The following CLMN variants were observed in gnomAD, a reference collection of about 807,000 sequenced individuals.
CLMN encodes calmin.
In CLMN, 57 loss-of-function variants were observed where a neutral mutation model predicts 92.7. The observed-to-expected ratio is 0.61, with a 90% CI of 0.50 to 0.77. The LOEUF (loss-of-function observed/expected upper bound fraction) is 0.77, where lower values mean the gene tolerates loss of function less well. Among genes scored for constraint, CLMN ranks in the 30% least tolerant of loss-of-function variants. The pLI, the probability that CLMN is intolerant of heterozygous loss-of-function variation, is 0.00. For synonymous variants in CLMN, 466 were observed against 470.6 expected, an observed-to-expected ratio of 0.99 and a Z score of 0.13; for missense variants, 1,158 against 1,237.5, an observed-to-expected ratio of 0.94 and a Z score of 0.96.
rs927038217 is a variant in CLMN at position 95,188,202 on chromosome 14, T to C, written c.*3362A>G. On this transcript the variant is annotated 3_prime_UTR_variant, in exon 13 of 13. Transcript: ENST00000298912. ...CACTCTTAAAACATGAACAGATCCA[T>C]AGGATCACCATATATTTGAGAAAAA... The C allele has an allele frequency of 2.0e-5, 3 of 152,078 alleles. No homozygotes were observed. Among genetic ancestry groups the C allele is most frequent in the African/African-American group, 7.2e-5 (3 of 41,392 alleles). The allele number at this position is 152,078 out of a possible 1,614,324, so 9.4% of individuals were successfully genotyped here. A position where few individuals can be genotyped will look rare whatever the true frequency, so the allele number is the denominator to read the frequency against.
intron 9 of CLMN, among the ~76,000 whole-genome samples, chr14:95,201,299 G>A (rs2140570274): frequency 6.6e-6 from 1 of 151,936 alleles, no homozygotes; most frequent in Non-Finnish European, 1.5e-5. Context: ...AACCCCCCAA[G>A]CAGCCGTGTC....
chr14:95,274,832 A>C (rs1312840929), intron 1 of CLMN, among the ~76,000 whole-genome samples: 2 of 152,142 alleles, frequency 1.3e-5, no homozygotes, highest in Non-Finnish European at 2.9e-5. Context: ...TACAAAAATT[A>C]GCTGGGCTTG....
chr14:95,275,232 T>C (rs909533396), intron 1 of CLMN, among the ~76,000 whole-genome samples: 2 of 152,100 alleles, frequency 1.3e-5, no homozygotes, highest in Non-Finnish European at 2.9e-5. Context: ...CAGGGCTGCA[T>C]TGCCCTGAGG....
chr14:95,204,672 C>A (rs1295256656), intron 8 of CLMN, among the ~76,000 whole-genome samples: 1 of 152,092 alleles, frequency 6.6e-6, no homozygotes, highest in African/African-American at 2.4e-5. Flanking sequence ...CTTGTTCCTG[C>A]TGAAATATGA....
chr14:95,210,737 A>G lies in CLMN; in HGVS notation c.751T>C (p.Phe251Leu), dbSNP rs1897173748. Residue 251 changes from phenylalanine (F) to leucine (L), a missense_variant, in exon 7 of 13, where the codon TTC (phenylalanine) becomes CTC (leucine). Physicochemically the swap from Phe to Leu is conservative, Grantham distance 22. Coordinates refer to ENST00000298912, the MANE Select transcript of CLMN (RefSeq NM_024734.4). ...TGCAGGGCATCCTGTGCGATGCTGA[A>G]AGCCTTCTCTAGATTTTCTCGTGTG... ...NSTRENLEKA[F>L]SIAQDALHIP... 1.2e-6 allele frequency: 2 copies of G among 1,610,156 alleles called. No individual in the cohort carries two copies. The highest frequency in any genetic ancestry group is 1.7e-6 in the Non-Finnish European group (2 of 1,178,314).
intron 2 of CLMN, among the ~76,000 whole-genome samples, chr14:95,228,636 T>C (rs1897786635): frequency 6.6e-6 from 1 of 152,256 alleles, no homozygotes; most frequent in Non-Finnish European, 1.5e-5. Flanking sequence ...AACCTTTCTT[T>C]TGTGTTAACC....
chr14:95,310,208 A>G (rs1478925721), intron 1 of CLMN, among the ~76,000 whole-genome samples: 1 of 152,188 alleles, frequency 6.6e-6, no homozygotes, highest in Non-Finnish European at 1.5e-5. Flanking sequence ...CAGAACCATG[A>G]GCCAATTAAA....
At chr14:95,281,351 G>A (rs1273680980) in intron 1 of CLMN, among the ~76,000 whole-genome samples, 3 of 152,116 alleles carry the variant, frequency 2.0e-5, no homozygotes, top group Non-Finnish European at 4.4e-5. Context: ...CAGATCATCA[G>A]GCCAAGTATA....
chr14:95,280,985 G>A (rs888281611), intron 1 of CLMN, among the ~76,000 whole-genome samples: 29 of 152,146 alleles, frequency 1.9e-4, no homozygotes, highest in African/African-American at 5.6e-4. Context: ...TTAAAAGGTC[G>A]TTTATAATCA....
chr14:95,241,240 G>A lies in CLMN; in HGVS notation c.83-11107C>T, dbSNP rs143975124. Reference sequence around the variant, plus strand: ...CTGGGAGATGATCTAGTATTATGGTGACCAACTGTCCGGATTTGCCTGGGA... The same window carrying A: ...CTGGGAGATGATCTAGTATTATGGTAACCAACTGTCCGGATTTGCCTGGGA... On this transcript the variant is annotated intron_variant, in intron 1 of 12. Transcript: ENST00000298912. Among the ~76,000 whole-genome samples, 309 of 152,122 alleles carry A rather than the reference G, an allele frequency of 2.0e-3. 3 individuals carry two copies. The highest frequency in any genetic ancestry group is 6.9e-3 in the African/African-American group (286 of 41,484).
Position 95,294,437 on chromosome 14 carries a change from T to A in CLMN, c.82+25274A>T, listed in dbSNP as rs552813104. On this transcript the variant is annotated intron_variant, in intron 1 of 12. Transcript: ENST00000298912. This position sits in a 1 kb window ranked among gnomAD's most constrained non-coding sequence, Gnocchi z 4.2. ...TTGTCTGGCATGCACGGGGCAGGCC[T>A]TGCACCCAGTCTGGGCCAAGAGGCA... Among the ~76,000 whole-genome samples, 7 of 152,290 alleles carry A rather than the reference T, an allele frequency of 4.6e-5. No individual in the cohort carries two copies. The East Asian group carries it at 1.4e-3, about 29-fold the overall frequency.
At chr14:95,198,606 T>C (rs1896791780) in intron 9 of CLMN, among the ~76,000 whole-genome samples, 1 of 152,094 alleles carries the variant, frequency 6.6e-6, no homozygotes, top group Non-Finnish European at 1.5e-5. Flanking sequence ...CAGACGGTGT[T>C]GATTTCATTC....
At chr14:95,205,260 A>G (rs1209012379) in intron 8 of CLMN, among the ~76,000 whole-genome samples, 1 of 152,210 alleles carries the variant, frequency 6.6e-6, no homozygotes, top group Non-Finnish European at 1.5e-5. Flanking sequence ...TTCAACCTCT[A>G]TTGTTCTTTT....
intron 5 of CLMN, 62 bp downstream of exon 5, chr14:95,215,579 T>C: frequency 7.0e-7 from 1 of 1,431,962 alleles, no homozygotes; most frequent in South Asian, 1.1e-5. Flanking sequence ...CCCACTCTCT[T>C]CTGTGGCTGC....
intron 1 of CLMN, among the ~76,000 whole-genome samples, chr14:95,248,104 T>G (rs985634003): frequency 6.8e-6 from 1 of 146,430 alleles, no homozygotes; most frequent in Admixed American, 6.8e-5. Context: ...ATAAGCAAAC[T>G]GCAAATGAAA....
intron 1 of CLMN, 83 bp downstream of exon 1, chr14:95,319,628 G>A: frequency 8.8e-7 from 1 of 1,132,854 alleles, no homozygotes; most frequent in Non-Finnish European, 1.2e-6. Flanking sequence ...CGGGGGCGGC[G>A]CGGGGGAGTT....
Position 95,203,394 on chromosome 14 carries a change from T to G in CLMN, c.1955A>C (p.Asp652Ala). ...CPSAPEETPV[D>A]KKPEVHEKAK... ...CTTTTCATGCACCTCTGGCTTTTTA[T>G]CCACTGGTGTCTCTTCTGGGGCTGA... Residue 652 changes from aspartate to alanine, a missense_variant, in exon 9 of 13, where the codon GAT becomes GCT. Coordinates refer to ENST00000298912, the MANE Select transcript of CLMN (RefSeq NM_024734.4). 6.2e-7 allele frequency: 1 copy of G among 1,614,178 alleles called. No individual in the cohort carries two copies. Among genetic ancestry groups the G allele is most frequent in the South Asian group, 1.1e-5 (1 of 91,090 alleles).
rs1896951187 is a variant in CLMN, at chr14:95,203,532, C to T, written c.1817G>A (p.Gly606Asp). The change falls in exon 9 of 13, where the codon GGT (glycine) becomes GAT (aspartate). Residue 606 changes from glycine (G) to aspartate (D), a missense_variant. Coordinates refer to ENST00000298912, the MANE Select transcript of CLMN (RefSeq NM_024734.4). ...EAFENHAEKL[G>D]KRSIKSAHKK... ...GTGAGCAGATTTAATACTCCTTTTA[C>T]CTAGTTTTTCAGCATGATTCTCAAA... 1.2e-6 allele frequency: 2 copies of T among 1,614,126 alleles called. No homozygotes were observed. Among genetic ancestry groups the T allele is most frequent in the Non-Finnish European group, 1.7e-6 (2 of 1,180,026 alleles).
Position 95,301,030 on chromosome 14 carries a change from A to G in CLMN, c.82+18681T>C, listed in dbSNP as rs1011013017. Among the ~76,000 whole-genome samples, 14 of 152,264 alleles carry G rather than the reference A, an allele frequency of 9.2e-5. 1 individual carries two copies. The highest frequency in any genetic ancestry group is 6.5e-5 in the Admixed American group (1 of 15,290). ...TTGCAGATTCTGCACCTGATGCACTAAGTAATTTTCCATGAAGTAACTTTC... is the reference window on the plus strand; with the variant it reads ...TTGCAGATTCTGCACCTGATGCACTGAGTAATTTTCCATGAAGTAACTTTC... On this transcript the variant is annotated intron_variant, in intron 1 of 12. Transcript: ENST00000298912.
Sources: gnomAD v4.1 joint callset for allele counts (sites outside exome capture counted in the v4.1 genomes callset) on GRCh38, gnomAD v4.1.1 for gene constraint, Gnocchi (gnomAD v3.1) non-coding constraint, MANE v1.5 for transcripts, NCBI Gene and HGNC (gene_info 2026-07-23, HGNC 2026-07-21) for gene names.